The following PBRM1 variants were observed in gnomAD, a reference collection of about 807,000 sequenced individuals.
PBRM1 encodes protein polybromo-1.
A neutral mutation model predicts 194.5 loss-of-function variants in PBRM1; 27 were observed. That is an observed-to-expected ratio of 0.14 (90% CI 0.10 to 0.19). The LOEUF is 0.19. Ranked by LOEUF, PBRM1 falls within the 10% of genes least tolerant of loss-of-function variation. The pLI is 1.00. For missense variants in PBRM1, 1,466 were observed against 2,077.2 expected (o/e 0.71, Z 5.72); for synonymous variants, 655 against 693.2 (o/e 0.94, Z 0.87).
At chr3:52,628,797 G>T (rs1406021077) in intron 12 of PBRM1, 97 bp downstream of exon 13, 1 of 1,079,882 alleles carries the variant, frequency 9.3e-7, no homozygotes, top group Admixed American at 1.8e-5. Context: ...ACTGCTGAGG[G>T]TGGGGGGGAT....
rs2096421102 is a variant in PBRM1, at chr3:52,649,270, AT to A, written c.715-829del. ...CATCGGGAGGGCTCTACCTCCCATA[AT>A]GAGGATGTAAGTGGGCAAATGGTCA... On this transcript the variant is annotated intron_variant, in intron 6 of 29. Coordinates refer to ENST00000296302, the Ensembl canonical transcript of PBRM1. Among the ~76,000 whole-genome samples the A allele has an allele frequency of 2.6e-5, 4 of 152,188 alleles. No homozygotes were observed. In the South Asian group the frequency reaches 8.3e-4, roughly 31 times the overall value.
chr3:52,603,663 G>C (rs781262443), exon 17 of PBRM1: 37 of 1,613,020 alleles, frequency 2.3e-5, no homozygotes, highest in Non-Finnish European at 3.1e-5. Context: ...CATTTTTGCA[G>C]AGTTCATCAC....
At chr3:52,676,551 C>A (rs961169405) in intron 2 of PBRM1, among the ~76,000 whole-genome samples, 1 of 152,202 alleles carries the variant, frequency 6.6e-6, no homozygotes, top group Non-Finnish European at 1.5e-5. Context: ...TTCAGTTAAA[C>A]CTCTTTTTCT....
At chr3:52,573,312 A>G (rs1361558660) in intron 22 of PBRM1, among the ~76,000 whole-genome samples, 2 of 151,238 alleles carry the variant, frequency 1.3e-5, no homozygotes. Flanking sequence ...TGTTACATAG[A>G]GTCTCTTGCT....
intron 2 of PBRM1, among the ~76,000 whole-genome samples, chr3:52,674,685 T>G (rs868416262): frequency 7.5e-5 from 11 of 146,748 alleles, no homozygotes; most frequent in South Asian, 4.2e-4. Context: ...CACACACATA[T>G]ATCTCCTTAC....
intron 10 of PBRM1, among the ~76,000 whole-genome samples, chr3:52,640,699 T>C (rs1256746701): frequency 6.6e-6 from 1 of 152,158 alleles, no homozygotes; most frequent in African/African-American, 2.4e-5. Context: ...TGGAGTACAG[T>C]GGTGTGATCT....
intron 16 of PBRM1, among the ~76,000 whole-genome samples, chr3:52,607,813 CTCTT>C (rs1282169551): frequency 6.6e-6 from 1 of 152,192 alleles, no homozygotes; most frequent in South Asian, 2.1e-4. Context: ...CTCCATCCTT[CTCTT>C]TATTTCTACT....
At chr3:52,600,993 G>A (rs2093951395) in intron 17 of PBRM1, among the ~76,000 whole-genome samples, 1 of 152,124 alleles carries the variant, frequency 6.6e-6, no homozygotes, top group South Asian at 2.1e-4. Flanking sequence ...TTCTTTTGGA[G>A]GTGTAATTAT....
rs577720545 is a variant in PBRM1, at chr3:52,616,489, C to T, written c.1818+773G>A. On this transcript the variant is annotated intron_variant, in intron 14 of 29. Coordinates refer to ENST00000296302, the Ensembl canonical transcript of PBRM1. Reference sequence around the variant, plus strand: ...CAGGGGGATCACGACGTCAGGAGATCAAGACCATCCTGGCTAACATGGTGA... The same window carrying T: ...CAGGGGGATCACGACGTCAGGAGATTAAGACCATCCTGGCTAACATGGTGA... 2.6e-5 allele frequency among the ~76,000 whole-genome samples: 4 copies of T among 152,206 alleles called. No individual in the cohort carries two copies. In the South Asian group the frequency reaches 6.2e-4, roughly 24 times the overall value.
chr3:52,641,178 G>A (rs1041780478), intron 10 of PBRM1, among the ~76,000 whole-genome samples: 6 of 151,896 alleles, frequency 4.0e-5, no homozygotes, highest in Non-Finnish European at 7.4e-5. Context: ...ATAAAATTGA[G>A]GCCAGGCGTG....
chr3:52,552,274 A>G (rs2081160779), intron 27 of PBRM1, among the ~76,000 whole-genome samples: 1 of 152,172 alleles, frequency 6.6e-6, no homozygotes, highest in South Asian at 2.1e-4. Context: ...AGGGCAGCAC[A>G]AATCAGCAAA....
intron 22 of PBRM1, among the ~76,000 whole-genome samples, chr3:52,570,623 G>A (rs955063964): frequency 4.6e-5 from 7 of 152,066 alleles, no homozygotes; most frequent in Admixed American, 3.9e-4. Context: ...CCAAAAGACA[G>A]GGAAAAGATG....
exon 27 of PBRM1, chr3:52,554,759 G>T: frequency 6.4e-7 from 1 of 1,573,942 alleles, no homozygotes; most frequent in Non-Finnish European, 8.6e-7. Context: ...AGGCACACCT[G>T]GCGGAAGATG....
chr3:52,619,856 CA>C (rs1199213171), intron 13 of PBRM1, among the ~76,000 whole-genome samples: 1 of 152,138 alleles, frequency 6.6e-6, no homozygotes, highest in Admixed American at 6.5e-5. Context: ...TCAAGGCAAA[CA>C]AAGTGATTTA....
chr3:52,668,703 T>A (rs1447616954), intron 2 of PBRM1, 58 bp from the exon 4 acceptor site: 21 of 1,017,880 alleles, frequency 2.1e-5, no homozygotes, highest in Non-Finnish European at 2.8e-5. Flanking sequence ...AAAAGTTTTA[T>A]TTCAAAACTA....
downstream of PBRM1, chr3:52,547,080 G>A (rs190361309): frequency 4.3e-6 from 1 of 233,022 alleles, no homozygotes; most frequent in African/African-American, 2.2e-5. Flanking sequence ...GTTAGGTTAG[G>A]TGTTATGTTT....
At chr3:52,656,789 C>A (rs1360606818) in intron 5 of PBRM1, among the ~76,000 whole-genome samples, 1 of 150,924 alleles carries the variant, frequency 6.6e-6, no homozygotes, top group Non-Finnish European at 1.5e-5. Context: ...TGTAGTAAGG[C>A]ACGGTGGCAC....
chr3:52,559,376 C>T (rs1237884556), intron 25 of PBRM1, among the ~76,000 whole-genome samples: 1 of 152,130 alleles, frequency 6.6e-6, no homozygotes, highest in Non-Finnish European at 1.5e-5. Context: ...AGACTGAACC[C>T]CTACTGAAGA....
At chr3:52,617,964 T>TA (rs1298582999) in intron 13 of PBRM1, among the ~76,000 whole-genome samples, 1 of 152,096 alleles carries the variant, frequency 6.6e-6, no homozygotes, top group Non-Finnish European at 1.5e-5. Flanking sequence ...CAAAACAAAA[T>TA]AAAAAACCTA....
Sources: gnomAD v4.1 joint callset for allele counts (sites outside exome capture counted in the v4.1 genomes callset) on GRCh38, gnomAD v4.1.1 for gene constraint, MANE v1.5 for transcripts, NCBI Gene and HGNC (gene_info 2026-07-23, HGNC 2026-07-21) for gene names.